MTMR12: variants seen among roughly 807,000 people sequenced by gnomAD.
MTMR12 encodes myotubularin related protein 12.
In MTMR12, 33 loss-of-function variants were observed where a neutral mutation model predicts 96.7. That is an observed-to-expected ratio of 0.34 (90% CI 0.26 to 0.46). The LOEUF (loss-of-function observed/expected upper bound fraction) is 0.46. Among genes scored for constraint, MTMR12 ranks in the 20% least tolerant of loss-of-function variants. MTMR12 has a pLI of 1.00. For synonymous variants in MTMR12, 298 were observed against 327.2 expected (o/e 0.91, Z 0.96); for missense variants, 721 against 896.1 (o/e 0.80, Z 2.49).
At chr5:32,261,135 A>G (rs920728188) in intron 7 of MTMR12, among the ~76,000 whole-genome samples, 2 of 151,646 alleles carry the variant, frequency 1.3e-5, no homozygotes, top group African/African-American at 4.8e-5. Context: ...CAAGAGGCTG[A>G]GGCAGGAGAA....
intron 1 of MTMR12, among the ~76,000 whole-genome samples, chr5:32,305,497 T>C (rs556841886): frequency 6.6e-6 from 1 of 152,362 alleles, no homozygotes; most frequent in Non-Finnish European, 1.5e-5. Flanking sequence ...AATCTCTTCT[T>C]GTTATCATCT....
intron 1 of MTMR12, among the ~76,000 whole-genome samples, chr5:32,305,450 G>A (rs962670734): frequency 3.3e-4 from 50 of 152,130 alleles, no homozygotes; most frequent in South Asian, 2.1e-4. Context: ...TATCTTTACC[G>A]CTAGGACTAA....
intron 8 of MTMR12, among the ~76,000 whole-genome samples, chr5:32,255,133 C>G (rs1749087728): frequency 6.6e-6 from 1 of 152,194 alleles, no homozygotes; most frequent in South Asian, 2.1e-4. Context: ...CAGCACAGCA[C>G]TTATTTATAA....
chr5:32,276,930 G>T (rs1173786153), intron 1 of MTMR12, among the ~76,000 whole-genome samples, 188 bp from the exon 2 acceptor site: 1 of 130,034 alleles, frequency 7.7e-6, no homozygotes, highest in Non-Finnish European at 1.6e-5. Flanking sequence ...TCTGTTGCCA[G>T]GCTGGAGTGC....
intron 7 of MTMR12, among the ~76,000 whole-genome samples, chr5:32,259,257 C>A (rs1021793450): frequency 3.9e-5 from 6 of 152,226 alleles, no homozygotes; most frequent in African/African-American, 1.4e-4. Flanking sequence ...CCTGTGCCAG[C>A]AACAGCTCCT....
intron 1 of MTMR12, among the ~76,000 whole-genome samples, chr5:32,289,674 T>C (rs1237259982): frequency 6.6e-6 from 1 of 152,118 alleles, no homozygotes. Flanking sequence ...TTACAGTGGG[T>C]CCAGTGGGCC....
At position 32,227,446 on chromosome 5, in the gene MTMR12, CTTAT is replaced by C. The variant is rs1446780023; in HGVS notation, c.*2328_*2331del. The C allele has an allele frequency of 2.0e-5, 3 of 152,596 alleles. No homozygotes were observed. The highest frequency in any genetic ancestry group is 2.9e-5 in the Non-Finnish European group (2 of 68,028). The allele number at this position is 152,596 out of a possible 1,614,324, so 9.5% of individuals were successfully genotyped here. On this transcript the variant is annotated 3_prime_UTR_variant, in exon 16 of 16. Coordinates refer to ENST00000382142, the MANE Select transcript of MTMR12 (RefSeq NM_001040446.3). ...GTCATGACCTTACACGTTACAACAG[CTTAT>C]TTTTCTATTGTAATTTTAAAAAATC...
chr5:32,291,766 C>G (rs1170596481), intron 1 of MTMR12, among the ~76,000 whole-genome samples: 1 of 152,148 alleles, frequency 6.6e-6, no homozygotes, highest in Admixed American at 6.5e-5. Flanking sequence ...TGTTGAGTGC[C>G]CAGTTTGCCA....
rs1747773558 is a variant in MTMR12, at chr5:32,227,341, C to T, written c.*2437G>A. 1 of 152,614 alleles carries T rather than the reference C, an allele frequency of 6.6e-6. No individual in the cohort carries two copies. The highest frequency in any genetic ancestry group is 2.4e-5 in the African/African-American group (1 of 41,448). 9.5% of individuals were successfully genotyped at this position (152,614 alleles called of 1,614,324 possible). The stretch of plus-strand genomic sequence containing the variant: ...ACATCCCAATCTCAGATAAAAATTT[C>T]ACAATATATAAATCCATTGAGAATT... On this transcript the variant is annotated 3_prime_UTR_variant, in exon 16 of 16. Coordinates refer to ENST00000382142, the MANE Select transcript of MTMR12 (RefSeq NM_001040446.3).
intron 1 of MTMR12, among the ~76,000 whole-genome samples, chr5:32,299,914 G>A (rs1349086889): frequency 4.0e-5 from 6 of 151,588 alleles, no homozygotes; most frequent in African/African-American, 1.2e-4. Context: ...ACCAAATCCC[G>A]CTTTAATGTC....
At chr5:32,292,365 C>T (rs1341203484) in intron 1 of MTMR12, among the ~76,000 whole-genome samples, 2 of 152,188 alleles carry the variant, frequency 1.3e-5, no homozygotes, top group African/African-American at 4.8e-5. Flanking sequence ...ATTTTTGCCT[C>T]CTGTTCCTGC....
intron 1 of MTMR12, among the ~76,000 whole-genome samples, chr5:32,285,524 T>C (rs1235141924): frequency 6.6e-6 from 1 of 152,128 alleles, no homozygotes; most frequent in East Asian, 1.9e-4. Flanking sequence ...TATTTGTTTA[T>C]TTTATTTTTT....
At chr5:32,308,863 A>G (rs929219154) in intron 1 of MTMR12, among the ~76,000 whole-genome samples, 18 of 152,198 alleles carry the variant, frequency 1.2e-4, no homozygotes, top group Non-Finnish European at 2.2e-4. Flanking sequence ...TCGGCCTCCC[A>G]AAGTGCTGGG....
intron 1 of MTMR12, among the ~76,000 whole-genome samples, chr5:32,281,102 G>A (rs950032947): frequency 6.6e-6 from 1 of 151,770 alleles, no homozygotes; most frequent in Admixed American, 6.6e-5. Flanking sequence ...ACAAAAATTG[G>A]CAGGATGCGG....
At chr5:32,254,190 CG>C (rs1749055139) in intron 8 of MTMR12, among the ~76,000 whole-genome samples, 1 of 152,190 alleles carries the variant, frequency 6.6e-6, no homozygotes, top group Non-Finnish European at 1.5e-5. Context: ...CATCCGTTTT[CG>C]AAGTGTAGTA....
At chr5:32,244,968 C>T (rs966760830) in intron 10 of MTMR12, among the ~76,000 whole-genome samples, 1 of 152,064 alleles carries the variant, frequency 6.6e-6, no homozygotes, top group Non-Finnish European at 1.5e-5. Flanking sequence ...GGAATTTAAC[C>T]ATGTCATTGC....
chr5:32,295,980 C>T (rs1750905730), intron 1 of MTMR12, among the ~76,000 whole-genome samples: 1 of 151,974 alleles, frequency 6.6e-6, no homozygotes, highest in Non-Finnish European at 1.5e-5. Flanking sequence ...ATGGTGAAAC[C>T]CCATCTCTAC....
intron 12 of MTMR12, among the ~76,000 whole-genome samples, chr5:32,240,197 G>A (rs975895083): frequency 2.0e-5 from 3 of 151,998 alleles, no homozygotes; most frequent in Non-Finnish European, 2.9e-5. Context: ...TCAGGAGTTC[G>A]AGACCAGTCT....
rs113010836 is a variant in MTMR12 at position 32,306,750 on chromosome 5, C to T, written c.81+6008G>A. Among the ~76,000 whole-genome samples the T allele has an allele frequency of 4.2e-3, 640 of 152,200 alleles. 5 individuals are homozygous for T. The highest frequency in any genetic ancestry group is 0.015 in the African/African-American group (609 of 41,524). ...GGGCAAGATATTAAACTTTACAGGG[C>T]CTCAGTTTGCACATCTGTATGATGG... On this transcript the variant is annotated intron_variant, in intron 1 of 15. Transcript: ENST00000382142.
Sources: allele counts gnomAD v4.1 joint callset (sites outside exome capture counted in the v4.1 genomes callset), GRCh38; gene constraint gnomAD v4.1.1; transcripts MANE v1.5; gene names NCBI Gene and HGNC (gene_info 2026-07-23, HGNC 2026-07-21).